HEMK1: variants seen among roughly 807,000 people sequenced by gnomAD.
HEMK1 encodes the protein HemK methyltransferase 1, mitochondrial release factors N(5)-glutamine.
In HEMK1, 36 loss-of-function variants were observed where a neutral mutation model predicts 47.9. That is an observed-to-expected ratio of 0.75 (90% CI 0.58 to 0.99). The LOEUF is 0.99. Ranked by LOEUF, HEMK1 falls within the 50% of genes least tolerant of loss-of-function variation. HEMK1 has a pLI of 0.00. For missense variants in HEMK1, 383 were observed against 434.5 expected (o/e 0.88, Z 1.05); for synonymous variants, 153 against 165.4 (o/e 0.93, Z 0.57).
At chr3:50,569,809 C>T (rs1020915858) in intron 1 of HEMK1, 1 of 152,228 alleles carries the variant, frequency 6.6e-6, no homozygotes, top group African/African-American at 2.4e-5. Context: ...CTGGTGGACT[C>T]GGGTTCGTGT....
chr3:50,578,904 C>A lies in HEMK1; in HGVS notation c.748C>A (p.Gln250Lys). The change falls in exon 8 of 11, where the codon CAG (glutamine) becomes AAG (lysine). Residue 250 changes from glutamine to lysine, a missense_variant. Gln to Lys is a moderately conservative substitution (Grantham distance 53). Transcript: ENST00000232854. ...CTACGTCTTCCACCAGGACATGGAG[C>A]AGCTGGCCCCTGAGATCCGCAGGTG... ...PPYVFHQDME[Q>K]LAPEIRSYED... 6.2e-7 allele frequency: 1 copy of A among 1,612,410 alleles called. No individual in the cohort carries two copies. The highest frequency in any genetic ancestry group is 1.3e-5 in the African/African-American group (1 of 75,006).
chr3:50,571,192 C>A lies in HEMK1; in HGVS notation c.88C>A (p.Gln30Lys), dbSNP rs1283446741. ...CCGGGGCTGGGCCTTCAGCTCATGG[C>A]AACCCCAACCACCTCTGGCTGGGTT... ...STRGWAFSSW[Q>K]PQPPLAGLSS... Residue 30 changes from glutamine (Q) to lysine (K), a missense_variant, in exon 2 of 11, where the codon CAA becomes AAA. Coordinates refer to ENST00000232854, the MANE Select transcript of HEMK1 (RefSeq NM_016173.5). 6.2e-7 allele frequency: 1 copy of A among 1,613,774 alleles called. No homozygotes were observed. Among genetic ancestry groups the A allele is most frequent in the Non-Finnish European group, 8.5e-7 (1 of 1,179,836 alleles).
rs2030926260 is a variant in HEMK1 at position 50,582,371 on chromosome 3, G to A, written c.*1954G>A. The A allele has an allele frequency of 1.3e-5, 2 of 152,142 alleles. No individual in the cohort carries two copies. Among genetic ancestry groups the A allele is most frequent in the South Asian group, 2.1e-4 (1 of 4,834 alleles). The allele number at this position is 152,142 out of a possible 1,614,324, so 9.4% of individuals were successfully genotyped here. On this transcript the variant is annotated 3_prime_UTR_variant, in exon 11 of 11. Transcript: ENST00000232854. ...GTCCAAGCCAAGAGGACTGGCAGGC[G>A]GGGCCTCAAGCCTGCAGCCACTGGC...
Position 50,571,791 on chromosome 3 carries a change from C to G in HEMK1, c.310C>G (p.Arg104Gly), listed in dbSNP as rs1456829051. ...LQCIRELSSR[R>G]LQRMPVQYIL... ...GTGTATCCGGGAGCTGAGTAGCCGT[C>G]GATTGCAGAGGTGAGCACCCATGGA... is the stretch of plus-strand genomic sequence containing the variant. The change falls in exon 3 of 11, where the codon CGA (arginine) becomes GGA (glycine). Residue 104 changes from arginine (R) to glycine (G), a missense_variant. Transcript: ENST00000232854. The G allele has an allele frequency of 1.9e-6, 3 of 1,613,836 alleles. No individual in the cohort carries two copies. The African/African-American group carries it at 4.0e-5, about 22-fold the overall frequency.
chr3:50,579,923 C>G lies in HEMK1; in HGVS notation c.850C>G (p.Leu284Val). The change falls in exon 9 of 11, where the codon CTC becomes GTC. Residue 284 changes from leucine (L) to valine (V), a missense_variant. Transcript: ENST00000232854. ...ITHILALAPR[L>V]LKDSGSIFLE... ...CCACATTCTGGCCTTGGCACCCCGG[C>G]TCCTGAAAGACTCTGGGTATGAATG... 1 of 1,613,682 alleles carries G rather than the reference C, an allele frequency of 6.2e-7. No homozygotes were observed. The highest frequency in any genetic ancestry group is 8.5e-7 in the Non-Finnish European group (1 of 1,179,670).
In HEMK1 at chr3:50,571,807, C is replaced by T. The variant is rs1351973854; in HGVS notation, c.320+6C>T. The stretch of plus-strand genomic sequence containing the variant: ...AGTAGCCGTCGATTGCAGAGGTGAG[C>T]ACCCATGGATCAGACCTGAAGGATG... On this transcript the variant is annotated splice_donor_region_variant and intron_variant, in intron 3 of 10. Coordinates refer to ENST00000232854, the MANE Select transcript of HEMK1 (RefSeq NM_016173.5). The T allele has an allele frequency of 4.3e-6, 7 of 1,612,616 alleles. No individual in the cohort carries two copies. In the Admixed American group the frequency reaches 8.3e-5, roughly 19 times the overall value.
chr3:50,574,164 G>A (rs1038903579), intron 4 of HEMK1, among the ~76,000 whole-genome samples: 6 of 152,174 alleles, frequency 3.9e-5, no homozygotes, highest in South Asian at 2.1e-4. Context: ...TCCCGCATGC[G>A]TCTGTGCCCC....
At chr3:50,578,770 T>C (rs1424841958) in intron 7 of HEMK1, 51 bp from the exon 8 acceptor site, 1 of 1,240,668 alleles carries the variant, frequency 8.1e-7, no homozygotes. Flanking sequence ...CTATCATCCT[T>C]TACCTCCCAA....
chr3:50,579,787 C>A, intron 8 of HEMK1, 57 bp from the exon 9 acceptor site: 1 of 1,291,204 alleles, frequency 7.7e-7, no homozygotes, highest in Non-Finnish European at 1.1e-6. Flanking sequence ...CCATGCCCTC[C>A]ATGCATTTCA....
rs2031805095 is a variant in HEMK1, at chr3:50,593,039, C to T, written c.*12622C>T. The T allele has an allele frequency of 6.6e-6, 1 of 152,222 alleles. No individual in the cohort carries two copies. Among genetic ancestry groups the T allele is most frequent in the Non-Finnish European group, 1.5e-5 (1 of 68,052 alleles). The allele number at this position is 152,222 out of a possible 1,614,324, so 9.4% of individuals were successfully genotyped here. ...GCCCCTCCACTACATGGCCCCAGAC[C>T]AAGTTCTCTGCCAGTTTGCAGAGCT... On this transcript the variant is annotated 3_prime_UTR_variant, in exon 11 of 11. Coordinates refer to ENST00000232854, the MANE Select transcript of HEMK1 (RefSeq NM_016173.5).
At position 50,571,299 on chromosome 3, in the gene HEMK1, G is replaced by C; in HGVS notation, c.195G>C (p.Glu65Asp). The stretch of plus-strand genomic sequence containing the variant: ...TCCCTGAGGCCCGGGAATCCAGTGA[G>C]TACATCGTGGCTCATGTCCTTGGAG... ...RGIPEARESS[E>D]YIVAHVLGAK... Residue 65 changes from glutamate to aspartate, a missense_variant, in exon 2 of 11, where the codon GAG becomes GAC. By Grantham distance (45) the Glu-to-Asp change is conservative. Coordinates refer to ENST00000232854, the MANE Select transcript of HEMK1 (RefSeq NM_016173.5). The C allele has an allele frequency of 1.2e-6, 2 of 1,608,660 alleles. No homozygotes were observed. Among genetic ancestry groups the C allele is most frequent in the Non-Finnish European group, 8.5e-7 (1 of 1,177,090 alleles).
chr3:50,570,923 A>C lies in HEMK1; in HGVS notation c.-174-8A>C, dbSNP rs1181826620. On this transcript the variant is annotated splice_region_variant and splice_polypyrimidine_tract_variant and intron_variant, in intron 1 of 10. Transcript: ENST00000232854. ...CTCACCTGCTTTCCTGGTTCCTCTCACTCCCAGGGTGGCAACCAACTATAT... is the reference window on the plus strand; with the variant it reads ...CTCACCTGCTTTCCTGGTTCCTCTCCCTCCCAGGGTGGCAACCAACTATAT... The C allele has an allele frequency of 2.0e-6, 1 of 490,884 alleles. No homozygotes were observed. Among genetic ancestry groups the C allele is most frequent in the Non-Finnish European group, 3.6e-6 (1 of 277,646 alleles). 30.4% of individuals were successfully genotyped at this position (490,884 alleles called of 1,614,324 possible). A position where few individuals can be genotyped will look rare whatever the true frequency, so the allele number is the denominator to read the frequency against.
At position 50,571,824 on chromosome 3, in the gene HEMK1, T is replaced by C. The variant is rs374655058; in HGVS notation, c.320+23T>C. On this transcript the variant is annotated intron_variant, in intron 3 of 10. Transcript: ENST00000232854. ...GAGGTGAGCACCCATGGATCAGACCTGAAGGATGTGTTCAGGGAGCAGCAG... is the reference window on the plus strand; with the variant it reads ...GAGGTGAGCACCCATGGATCAGACCCGAAGGATGTGTTCAGGGAGCAGCAG... 1.4e-5 allele frequency: 23 copies of C among 1,604,098 alleles called. No homozygotes were observed. In the African/African-American group the frequency reaches 3.1e-4, roughly 21 times the overall value.
chr3:50,579,814 G>T (rs1262070960), intron 8 of HEMK1, 30 bp from the exon 9 acceptor site: 1 of 1,542,070 alleles, frequency 6.5e-7, no homozygotes, highest in Non-Finnish European at 8.9e-7. Context: ...CCTTTCTCAG[G>T]CTGTCACCTC....
chr3:50,592,474 A>C lies in HEMK1; in HGVS notation c.*12057A>C, dbSNP rs1349163702. 1.3e-5 allele frequency: 2 copies of C among 152,164 alleles called. No individual in the cohort carries two copies. The highest frequency in any genetic ancestry group is 2.9e-5 in the Non-Finnish European group (2 of 68,048). 9.4% of individuals were successfully genotyped at this position (152,164 alleles called of 1,614,324 possible). ...TTCCTTGAATAAAATTCAGCCTTCC[A>C]AATTTTACTCAAATGCTTCTACTTT... On this transcript the variant is annotated 3_prime_UTR_variant, in exon 11 of 11. Transcript: ENST00000232854.
In HEMK1 at chr3:50,577,884, C is replaced by G; in HGVS notation, c.664+9C>G. ...CCTCGACATGACCTCAGGTACCCTC[C>G]CCTGCATGTTCCTTGAGAGAGGGAG... is the stretch of plus-strand genomic sequence containing the variant. On this transcript the variant is annotated intron_variant, in intron 7 of 10. Transcript: ENST00000232854. 6.2e-7 allele frequency: 1 copy of G among 1,613,498 alleles called. No homozygotes were observed. Among genetic ancestry groups the G allele is most frequent in the Non-Finnish European group, 8.5e-7 (1 of 1,179,428 alleles).
rs1265169605 is a variant in HEMK1, at chr3:50,581,020, G to A, written c.*603G>A. 6.4e-6 allele frequency: 1 copy of A among 155,152 alleles called. No homozygotes were observed. The highest frequency in any genetic ancestry group is 6.4e-5 in the Admixed American group (1 of 15,746). 9.6% of individuals were successfully genotyped at this position (155,152 alleles called of 1,614,324 possible). A position where few individuals can be genotyped will look rare whatever the true frequency, so the allele number is the denominator to read the frequency against. ...GCCTGCTTTCTGGAGGGGAGGGTCT[G>A]GAGGTCTTTGCTGCACAGTTCCTGG... On this transcript the variant is annotated 3_prime_UTR_variant, in exon 11 of 11. Coordinates refer to ENST00000232854, the MANE Select transcript of HEMK1 (RefSeq NM_016173.5).
chr3:50,577,993 A>G, intron 7 of HEMK1, 118 bp downstream of exon 7: 4 of 889,066 alleles, frequency 4.5e-6, no homozygotes, highest in Non-Finnish European at 7.6e-6. Context: ...AGCCACACAC[A>G]ACACACACAC....
rs1276132236 is a variant in HEMK1, at chr3:50,591,639, C to T, written c.*11222C>T. ...ATGGGGGAGCTCCAGGCTCTGGAAA[C>T]CAAGCCAGGGTTGCATGCATGCACG... On this transcript the variant is annotated 3_prime_UTR_variant, in exon 11 of 11. Coordinates refer to ENST00000232854, the MANE Select transcript of HEMK1 (RefSeq NM_016173.5). 1 of 145,170 alleles carries T rather than the reference C, an allele frequency of 6.9e-6. No individual in the cohort carries two copies. Among genetic ancestry groups the T allele is most frequent in the Non-Finnish European group, 1.5e-5 (1 of 67,366 alleles). 9.0% of individuals were successfully genotyped at this position (145,170 alleles called of 1,614,324 possible). A position where few individuals can be genotyped will look rare whatever the true frequency, so the allele number is the denominator to read the frequency against.
Sources: gnomAD v4.1 joint callset for allele counts (sites outside exome capture counted in the v4.1 genomes callset) on GRCh38, gnomAD v4.1.1 for gene constraint, MANE v1.5 for transcripts, NCBI Gene and HGNC (gene_info 2026-07-23, HGNC 2026-07-21) for gene names.